Variants in CMIP observed in about 807,000 individuals in gnomAD.
CMIP encodes C-Maf-inducing protein.
CMIP carries 13 observed loss-of-function variants against 97.3 expected under a neutral mutation model. The ratio of observed to expected loss-of-function variants is 0.13; its 90% CI spans 0.09 to 0.21. The LOEUF (loss-of-function observed/expected upper bound fraction) is 0.21, where lower values mean the gene tolerates loss of function less well. Ranked by LOEUF, CMIP falls within the 10% of genes least tolerant of loss-of-function variation. The probability of loss-of-function intolerance (pLI) is 1.00; values close to 1 mark genes in which losing one functional copy is unlikely to be tolerated. For synonymous variants in CMIP, 538 were observed against 436.3 expected (o/e 1.23, Z -2.91); for missense variants, 847 against 1,024.9 (o/e 0.83, Z 2.37).
At position 81,687,830 on chromosome 16, in the gene CMIP, C is replaced by G. The variant is rs191851013; in HGVS notation, c.1389-3945C>G. 6.6e-5 allele frequency among the ~76,000 whole-genome samples: 10 copies of G among 152,338 alleles called. No homozygotes were observed. The East Asian group carries it at 1.5e-3, about 24-fold the overall frequency. ...TGCTGGTAGGTGGTCGGGAAGCAGC[C>G]TGTTGGGCCTCAGGAAACTCCCGAA... is the stretch of plus-strand genomic sequence containing the variant. On this transcript the variant is annotated intron_variant, in intron 10 of 20. Coordinates refer to ENST00000537098, the MANE Select transcript of CMIP (RefSeq NM_198390.3).
Position 81,655,335 on chromosome 16 carries a change from C to A in CMIP, c.640-2440C>A, listed in dbSNP as rs1597203909. Among the ~76,000 whole-genome samples, 1 of 152,138 alleles carries A rather than the reference C, an allele frequency of 6.6e-6. No homozygotes were observed. The highest frequency in any genetic ancestry group is 1.5e-5 in the Non-Finnish European group (1 of 68,012). ...GGTGGAAGGATCTGGAGGGAGCAGG[C>A]AGAGGGGCATCGTGGAGGGAGCTGC... On this transcript the variant is annotated intron_variant, in intron 4 of 20. Transcript: ENST00000537098. This position sits in a 1 kb window ranked among gnomAD's most constrained non-coding sequence, Gnocchi z 4.9.
chr16:81,631,608 T>C (rs905152353), intron 3 of CMIP: 1 of 152,274 alleles, frequency 6.6e-6, no homozygotes, highest in Admixed American at 6.5e-5. Context: ...CCCTGAACTC[T>C]TTTGAGACTG....
chr16:81,699,152 G>C (rs949073489), intron 14 of CMIP, among the ~76,000 whole-genome samples: 1 of 152,178 alleles, frequency 6.6e-6, no homozygotes, highest in African/African-American at 2.4e-5. Flanking sequence ...TACTAGGGAG[G>C]CTGAGGTGGG....
chr16:81,449,676 C>G (rs1010711681), intron 1 of CMIP, among the ~76,000 whole-genome samples: 2 of 151,798 alleles, frequency 1.3e-5, no homozygotes, highest in African/African-American at 2.4e-5. Flanking sequence ...ATTTCCCCCC[C>G]CCCCTTTCCA....
At chr16:81,548,330 C>A (rs187825947) in intron 1 of CMIP, among the ~76,000 whole-genome samples, 1 of 152,020 alleles carries the variant, frequency 6.6e-6, no homozygotes, top group East Asian at 1.9e-4. Context: ...GATGGGGTCT[C>A]GTTTTGTTGT....
At chr16:81,450,595 A>T (rs12443828) in intron 1 of CMIP, among the ~76,000 whole-genome samples, 29,995 of 152,034 alleles carry the variant, frequency 0.2, 4,794 homozygotes, top group African/African-American at 0.45. Flanking sequence ...AATGGAAGGG[A>T]TTATTGTTAC....
At chr16:81,602,854 G>A (rs951070934) in intron 1 of CMIP, among the ~76,000 whole-genome samples, 3 of 152,152 alleles carry the variant, frequency 2.0e-5, no homozygotes, top group Non-Finnish European at 2.9e-5. Flanking sequence ...TGGAGCTCCG[G>A]TCGTCATGTT....
intron 1 of CMIP, among the ~76,000 whole-genome samples, chr16:81,523,543 C>T (rs374867997): frequency 1.3e-5 from 2 of 152,198 alleles, no homozygotes; most frequent in African/African-American, 4.8e-5. Flanking sequence ...GGGCCCCGGC[C>T]AAGCAACTGA....
chr16:81,511,118 G>T (rs1036814235), intron 1 of CMIP, among the ~76,000 whole-genome samples: 17 of 152,272 alleles, frequency 1.1e-4, no homozygotes, highest in Middle Eastern at 6.8e-3. Flanking sequence ...AGCTTATGAT[G>T]AGTCTTGGGG....
Position 81,701,707 on chromosome 16 carries a change from C to G in CMIP, c.1803C>G (p.Thr601=). The G allele has an allele frequency of 6.2e-7, 1 of 1,613,908 alleles. No individual in the cohort carries two copies. The highest frequency in any genetic ancestry group is 1.1e-5 in the South Asian group (1 of 91,084). The change falls in exon 16 of 21, where the codon ACC becomes ACG. Residue 601 remains threonine (T), a synonymous_variant. Coordinates refer to ENST00000537098, the MANE Select transcript of CMIP (RefSeq NM_198390.3). The part of the protein sequence containing the change: ...LEYNIIDNND[T]QLQIISTLES... ...ACAACATCATCGACAACAACGACAC[C>G]CAACTGCAGATCATCTCAACCCTGG...
At chr16:81,572,109 T>TG (rs1597102428) in intron 1 of CMIP, among the ~76,000 whole-genome samples, 2 of 152,230 alleles carry the variant, frequency 1.3e-5, no homozygotes, top group Non-Finnish European at 2.9e-5. Context: ...ATTTCCCTCC[T>TG]GTCTCCCGGG....
chr16:81,630,157 T>C (rs2150972842), intron 3 of CMIP: 1 of 152,376 alleles, frequency 6.6e-6, no homozygotes, highest in South Asian at 2.1e-4. Context: ...ACCAGTTTCT[T>C]ACGGGGATTA....
intron 3 of CMIP, among the ~76,000 whole-genome samples, chr16:81,649,006 C>T (rs974958080): frequency 1.3e-5 from 2 of 152,082 alleles, no homozygotes; most frequent in Admixed American, 6.5e-5. Flanking sequence ...CTCACTTCCC[C>T]ACTCTCCCCA....
chr16:81,651,434 G>A (rs2092427587), intron 3 of CMIP: 3 of 967,552 alleles, frequency 3.1e-6, no homozygotes, highest in Non-Finnish European at 3.7e-6. Context: ...AAAGGTGAGA[G>A]CACTCTTGTC....
At chr16:81,460,353 C>T (rs904515119) in intron 1 of CMIP, among the ~76,000 whole-genome samples, 6 of 152,148 alleles carry the variant, frequency 3.9e-5, no homozygotes, top group Non-Finnish European at 7.3e-5. Context: ...GTCCCTCAGC[C>T]ACTCCTGCAG....
In CMIP at chr16:81,670,162, A is replaced by T; in HGVS notation, c.846A>T (p.Arg282=). 2 of 1,610,036 alleles carry T rather than the reference A, an allele frequency of 1.2e-6. No individual in the cohort carries two copies. The highest frequency in any genetic ancestry group is 1.7e-6 in the Non-Finnish European group (2 of 1,178,396). ...CACAGGACTTTGGGAAGTGCCCGCG[A>T]CTGAGGCTGTTTACTCAGGAGTACA... ...KHNMDFGKCP[R]LRLFTQEYIL... The change falls in exon 8 of 21, where the codon CGA becomes CGT. Residue 282 remains arginine (R), a synonymous_variant. Transcript: ENST00000537098.
chr16:81,509,586 G>A (rs763638048), intron 1 of CMIP, among the ~76,000 whole-genome samples: 5 of 152,098 alleles, frequency 3.3e-5, no homozygotes, highest in East Asian at 1.9e-4. Context: ...TTTCCCTTCC[G>A]CCCACTCTGT....
Position 81,445,183 on chromosome 16 carries a change from C to A in CMIP, c.-59C>A. 8.6e-7 allele frequency: 1 copy of A among 1,156,958 alleles called. No homozygotes were observed. Among genetic ancestry groups the A allele is most frequent in the Non-Finnish European group, 1.1e-6 (1 of 887,046 alleles). 71.7% of individuals were successfully genotyped at this position (1,156,958 alleles called of 1,614,324 possible). On this transcript the variant is annotated 5_prime_UTR_variant, in exon 1 of 21. Transcript: ENST00000537098. Reference sequence around the variant, plus strand: ...GCCGCCGGATCCGGGGGCCCCGCCGCCCCAGCAGCCCAGGACAGCCCCCTC... The same window carrying A: ...GCCGCCGGATCCGGGGGCCCCGCCGACCCAGCAGCCCAGGACAGCCCCCTC...
intron 1 of CMIP, among the ~76,000 whole-genome samples, chr16:81,532,149 C>T (rs1378185557): frequency 6.6e-6 from 1 of 152,186 alleles, no homozygotes; most frequent in Non-Finnish European, 1.5e-5. Context: ...TGCCCAGGTC[C>T]GAAGTGTTTC....
Sources: allele counts gnomAD v4.1 joint callset (sites outside exome capture counted in the v4.1 genomes callset), GRCh38; gene constraint gnomAD v4.1.1; non-coding constraint Gnocchi (gnomAD v3.1); transcripts MANE v1.5; gene names NCBI Gene and HGNC (gene_info 2026-07-23, HGNC 2026-07-21).